Variants in AGBL3 observed in about 807,000 individuals in gnomAD.
AGBL3 encodes the protein cytosolic carboxypeptidase 3.
A neutral mutation model predicts 94.5 loss-of-function variants in AGBL3; 68 were observed. The ratio of observed to expected loss-of-function variants is 0.72; its 90% CI spans 0.59 to 0.88. The LOEUF is 0.88. AGBL3 is among the 40% of genes least tolerant of loss of function. The pLI is 0.00. For missense variants in AGBL3, 934 were observed against 1,103.8 expected (o/e 0.85, Z 2.18); for synonymous variants, 354 against 370.7 (o/e 0.95, Z 0.52).
intron 15 of AGBL3, among the ~76,000 whole-genome samples, chr7:135,101,526 A>G (rs567102101): frequency 6.6e-6 from 1 of 152,254 alleles, no homozygotes; most frequent in South Asian, 2.1e-4. Context: ...CTGTATTCCT[A>G]ATACCTTCCT....
intron 11 of AGBL3, among the ~76,000 whole-genome samples, chr7:135,054,285 G>C (rs1367683645): frequency 6.6e-6 from 1 of 152,200 alleles, no homozygotes; most frequent in Non-Finnish European, 1.5e-5. Flanking sequence ...AGCTGTATCT[G>C]AGAAGCAAAG....
intron 8 of AGBL3, among the ~76,000 whole-genome samples, chr7:135,040,812 G>A (rs1369538568): frequency 6.8e-6 from 1 of 148,134 alleles, no homozygotes; most frequent in South Asian, 2.2e-4. Flanking sequence ...AGACAGATTG[G>A]AAAGAAGTAA....
chr7:135,116,822 T>C (rs769627064), intron 16 of AGBL3, among the ~76,000 whole-genome samples: 1 of 152,214 alleles, frequency 6.6e-6, no homozygotes, highest in Non-Finnish European at 1.5e-5. Context: ...ACATTTTCTA[T>C]ATCAGTAGGC....
At chr7:135,083,990 G>A (rs887329189) in intron 15 of AGBL3, among the ~76,000 whole-genome samples, 2 of 152,066 alleles carry the variant, frequency 1.3e-5, no homozygotes, top group Non-Finnish European at 2.9e-5. Context: ...AGTGAAAATC[G>A]GTTGGAGGCC....
intron 5 of AGBL3, among the ~76,000 whole-genome samples, chr7:135,026,318 G>A (rs986304761): frequency 1.1e-4 from 10 of 90,410 alleles, no homozygotes; most frequent in Middle Eastern, 6.3e-3. Flanking sequence ...TCTTTTGCCC[G>A]GGCTGGAGTG....
intron 16 of AGBL3, among the ~76,000 whole-genome samples, chr7:135,123,350 G>T (rs1405175936): frequency 6.6e-6 from 1 of 152,060 alleles, no homozygotes; most frequent in Non-Finnish European, 1.5e-5. Flanking sequence ...AGAGAAAAAA[G>T]AATAAAAAGG....
In AGBL3 at chr7:135,115,374, C is replaced by G; in HGVS notation, c.2111-6C>G. 6.5e-7 allele frequency: 1 copy of G among 1,537,938 alleles called. No homozygotes were observed. Among genetic ancestry groups the G allele is most frequent in the Middle Eastern group, 1.7e-4 (1 of 5,870 alleles). On this transcript the variant is annotated splice_region_variant and splice_polypyrimidine_tract_variant and intron_variant, in intron 15 of 16. Coordinates refer to ENST00000436302, the MANE Select transcript of AGBL3 (RefSeq NM_178563.4). Reference sequence around the variant, plus strand: ...CTCTGTACATATTTTTGTGGTTGCTCCCCAGATCTGCACCACAACTTAAAA... The same window carrying G: ...CTCTGTACATATTTTTGTGGTTGCTGCCCAGATCTGCACCACAACTTAAAA...
chr7:135,058,426 T>C (rs1266497019), intron 11 of AGBL3, among the ~76,000 whole-genome samples: 1 of 152,166 alleles, frequency 6.6e-6, no homozygotes, highest in African/African-American at 2.4e-5. Flanking sequence ...CTATGTTTCA[T>C]ATGGTGCTGC....
rs551726004 is a variant in AGBL3 at position 135,045,343 on chromosome 7, C to T, written c.1628-131C>T. 42 of 725,106 alleles carry T rather than the reference C, an allele frequency of 5.8e-5. No homozygotes were observed. In the South Asian group the frequency reaches 7.6e-4, roughly 13 times the overall value. The allele number at this position is 725,106 out of a possible 1,614,324, so 44.9% of individuals were successfully genotyped here. The stretch of plus-strand genomic sequence containing the variant: ...AGCAATGAGATGTTAAATGACCTGT[C>T]CTGAAGAAAAAAATCTAAAGGATAG... On this transcript the variant is annotated intron_variant, in intron 9 of 16. Coordinates refer to ENST00000436302, the MANE Select transcript of AGBL3 (RefSeq NM_178563.4).
intron 5 of AGBL3, among the ~76,000 whole-genome samples, chr7:135,025,220 G>C (rs1417559555): frequency 6.6e-6 from 1 of 151,472 alleles, no homozygotes; most frequent in East Asian, 2.1e-4. Flanking sequence ...GGCAGCGAGA[G>C]AGAAGGGTGA....
chr7:135,016,021 A>G (rs1813754560), intron 4 of AGBL3, among the ~76,000 whole-genome samples: 1 of 150,002 alleles, frequency 6.7e-6, no homozygotes, highest in Non-Finnish European at 1.5e-5. Flanking sequence ...ACAGAGCGAC[A>G]CTCCATCTCA....
intron 15 of AGBL3, among the ~76,000 whole-genome samples, chr7:135,111,950 C>T (rs1364527760): frequency 6.6e-6 from 1 of 152,102 alleles, no homozygotes; most frequent in East Asian, 1.9e-4. Context: ...CGCACAGGCA[C>T]TTCTATTCAA....
intron 12 of AGBL3, among the ~76,000 whole-genome samples, chr7:135,065,906 G>A (rs952964039): frequency 1.2e-4 from 19 of 152,108 alleles, no homozygotes; most frequent in Non-Finnish European, 2.4e-4. Context: ...AACAAAAATG[G>A]TGTTGGGAAA....
intron 12 of AGBL3, among the ~76,000 whole-genome samples, chr7:135,068,112 G>A (rs1423977899): frequency 6.6e-6 from 1 of 152,188 alleles, no homozygotes; most frequent in African/African-American, 2.4e-5. Flanking sequence ...TAGCCGATTC[G>A]ATCAACTGGA....
chr7:135,120,967 G>A (rs1827052321), intron 16 of AGBL3, among the ~76,000 whole-genome samples: 1 of 152,206 alleles, frequency 6.6e-6, no homozygotes, highest in African/African-American at 2.4e-5. Flanking sequence ...ACCTTGGGAG[G>A]CCGAGGCAGG....
At chr7:135,119,876 C>CA (rs1289902351) in intron 16 of AGBL3, among the ~76,000 whole-genome samples, 2 of 150,880 alleles carry the variant, frequency 1.3e-5, no homozygotes, top group Non-Finnish European at 2.9e-5. Context: ...GACTCCGTCT[C>CA]AAAAAATAAA....
chr7:135,090,818 G>T (rs1242382869), intron 15 of AGBL3, among the ~76,000 whole-genome samples: 1 of 152,182 alleles, frequency 6.6e-6, no homozygotes, highest in African/African-American at 2.4e-5. Flanking sequence ...AGAGAGCTCA[G>T]TTTGAGGATG....
intron 9 of AGBL3, among the ~76,000 whole-genome samples, chr7:135,044,787 T>C (rs1817195706): frequency 6.6e-6 from 1 of 150,788 alleles, no homozygotes; most frequent in Non-Finnish European, 1.5e-5. Context: ...TATGTATACA[T>C]GTGCCTTGCT....
In AGBL3 at chr7:135,058,308, G is replaced by T. The variant is rs147582870; in HGVS notation, c.1842-861G>T. ...AATAATACATAAAAAATACAACCCAGAAATATTTTCTTTCTTGTATTGGCT... is the reference window on the plus strand; with the variant it reads ...AATAATACATAAAAAATACAACCCATAAATATTTTCTTTCTTGTATTGGCT... On this transcript the variant is annotated intron_variant, in intron 11 of 16. Transcript: ENST00000436302. 4.1e-3 allele frequency among the ~76,000 whole-genome samples: 623 copies of T among 152,004 alleles called. 6 individuals carry two copies. Among genetic ancestry groups the T allele is most frequent in the African/African-American group, 0.014 (594 of 41,496 alleles).
Sources: allele counts gnomAD v4.1 joint callset (sites outside exome capture counted in the v4.1 genomes callset), GRCh38; gene constraint gnomAD v4.1.1; transcripts MANE v1.5; gene names NCBI Gene and HGNC (gene_info 2026-07-23, HGNC 2026-07-21).